DNAAF4: variants seen among roughly 807,000 people sequenced by gnomAD.
The protein encoded by DNAAF4 is dynein axonemal assembly factor 4.
DNAAF4 carries 43 observed loss-of-function variants against 51.8 expected under a neutral mutation model. That is an observed-to-expected ratio of 0.83 (90% CI 0.65 to 1.07). DNAAF4 has a LOEUF of 1.07. Ranked by LOEUF, DNAAF4 falls within the 50% of genes least tolerant of loss-of-function variation. The probability of loss-of-function intolerance (pLI) is 0.00; values close to 1 mark genes in which losing one functional copy is unlikely to be tolerated. For missense variants in DNAAF4, 581 were observed against 493.0 expected (o/e 1.18, Z -1.69); for synonymous variants, 194 against 165.6 (o/e 1.17, Z -1.32).
intron 1 of DNAAF4, among the ~76,000 whole-genome samples, chr15:55,505,510 C>T (rs1472623191): frequency 6.6e-6 from 1 of 152,130 alleles, no homozygotes; most frequent in Non-Finnish European, 1.5e-5. Context: ...AGACTTGGAA[C>T]CAACCCAAAT....
intron 9 of DNAAF4, among the ~76,000 whole-genome samples, chr15:55,432,034 CA>C (rs1285051081): frequency 6.6e-6 from 1 of 151,998 alleles, no homozygotes; most frequent in Non-Finnish European, 1.5e-5. Flanking sequence ...CGGCTCACCA[CA>C]ATCTCCGCCT....
At chr15:55,459,592 T>C (rs2058065362) in intron 5 of DNAAF4, among the ~76,000 whole-genome samples, 1 of 152,180 alleles carries the variant, frequency 6.6e-6, no homozygotes, top group Non-Finnish European at 1.5e-5. Context: ...CAAGTAAGTC[T>C]TTTAACAGAC....
rs561270079 is a variant in DNAAF4, at chr15:55,423,333, A to G, written c.1048-5200T>C. On this transcript the variant is annotated intron_variant, in intron 7 of 7. Coordinates refer to the DNAAF4 transcript ENST00000448430. ...AGCGATTTTCCAACCTCAGCCTCCC[A>G]AGTAGCTAGGACTACAGTCATGCAC... Among the ~76,000 whole-genome samples, 62 of 152,132 alleles carry G rather than the reference A, an allele frequency of 4.1e-4. No individual in the cohort carries two copies. The South Asian group carries it at 0.011, about 28-fold the overall frequency.
chr15:55,438,293 T>A (rs58851760), intron 7 of DNAAF4, among the ~76,000 whole-genome samples: 1 of 150,100 alleles, frequency 6.7e-6, no homozygotes, highest in African/African-American at 2.5e-5. Context: ...GGAGTTTGCA[T>A]TGAGCCAAGA....
At chr15:55,445,032 C>CCTTTTTT (rs1567007993) in intron 6 of DNAAF4, among the ~76,000 whole-genome samples, 1 of 109,044 alleles carries the variant, frequency 9.2e-6, no homozygotes. Flanking sequence ...ATTGAATACC[C>CCTTTTTT]TTTTTTTTTT....
chr15:55,479,056 G>A (rs922570884), intron 4 of DNAAF4, among the ~76,000 whole-genome samples: 3 of 151,548 alleles, frequency 2.0e-5, no homozygotes, highest in Non-Finnish European at 2.9e-5. Flanking sequence ...TGCAGTCTAA[G>A]TACTGTCAGG....
At chr15:55,452,475 C>A (rs1399939224) in intron 5 of DNAAF4, among the ~76,000 whole-genome samples, 1 of 151,778 alleles carries the variant, frequency 6.6e-6, no homozygotes, top group South Asian at 2.1e-4. Flanking sequence ...ATTACAGTGA[C>A]CACTAGTTAC....
At chr15:55,474,502 C>T (rs2058309328) in intron 4 of DNAAF4, among the ~76,000 whole-genome samples, 1 of 152,026 alleles carries the variant, frequency 6.6e-6, no homozygotes, top group African/African-American at 2.4e-5. Context: ...CCACTGCACT[C>T]CAGCCTGGGC....
chr15:55,436,149 C>T (rs1469714783), intron 7 of DNAAF4, among the ~76,000 whole-genome samples: 1 of 152,154 alleles, frequency 6.6e-6, no homozygotes, highest in East Asian at 1.9e-4. Flanking sequence ...CATTCAACAC[C>T]TCTACCAACA....
At chr15:55,432,719 G>A (rs1005403762) in intron 8 of DNAAF4, 117 bp from the exon 9 acceptor site, 9 of 769,922 alleles carry the variant, frequency 1.2e-5, no homozygotes, top group Non-Finnish European at 1.6e-5. Context: ...GCCGAGGTAG[G>A]TGGATCACCT....
intron 7 of DNAAF4, among the ~76,000 whole-genome samples, chr15:55,438,638 C>A (rs567999075): frequency 3.0e-4 from 45 of 151,516 alleles, no homozygotes; most frequent in Non-Finnish European, 5.6e-4. Flanking sequence ...AAAAAAAATT[C>A]GCCAGGTGTG....
In DNAAF4 at chr15:55,432,446, T is replaced by C. The variant is rs760327679; in HGVS notation, c.1153+51A>G. 14 of 1,424,532 alleles carry C rather than the reference T, an allele frequency of 9.8e-6. No individual in the cohort carries two copies. In the South Asian group the frequency reaches 1.8e-4, roughly 18 times the overall value. The allele number at this position is 1,424,532 out of a possible 1,614,324, so 88.2% of individuals were successfully genotyped here. The stretch of plus-strand genomic sequence containing the variant: ...ACGATCTTAAATAATTCCAATGACA[T>C]TTTTTTCAGAGTATAACTTGGGACT... On this transcript the variant is annotated intron_variant, in intron 9 of 9. Transcript: ENST00000321149.
At chr15:55,455,178 G>C (rs1325701591) in intron 5 of DNAAF4, among the ~76,000 whole-genome samples, 1 of 147,942 alleles carries the variant, frequency 6.8e-6, no homozygotes, top group African/African-American at 2.5e-5. Flanking sequence ...AGTTTTAGGG[G>C]AAGTTTTACT....
chr15:55,446,409 T>C (rs1191223978), intron 6 of DNAAF4, among the ~76,000 whole-genome samples: 2,486 of 42,718 alleles, frequency 0.058, no homozygotes, highest in Middle Eastern at 0.069. Flanking sequence ...CGCTCCTCAC[T>C]TCCCAGACGG....
At chr15:55,489,818 C>T (rs561271289) in intron 4 of DNAAF4, among the ~76,000 whole-genome samples, 4 of 151,176 alleles carry the variant, frequency 2.6e-5, no homozygotes, top group Admixed American at 6.6e-5. Context: ...TTAAATAATG[C>T]GTATTATAGA....
chr15:55,497,872 GTGAAAACAGAAACTAAGTTAGTTA>G lies in DNAAF4; in HGVS notation c.124-37_124-14del. The G allele has an allele frequency of 6.3e-7, 1 of 1,581,946 alleles. No individual in the cohort carries two copies. The highest frequency in any genetic ancestry group is 8.6e-7 in the Non-Finnish European group (1 of 1,165,998). On this transcript the variant is annotated splice_polypyrimidine_tract_variant and intron_variant, in intron 2 of 9. Coordinates refer to ENST00000321149, the MANE Select transcript of DNAAF4 (RefSeq NM_130810.4). ...GAGGAAAGTTGACCTATGCAGAAGG[GTGAAAACAGAAACTAAGTTAGTTA>G]CACAAATTAAGCACGCGTATTAAGA...
chr15:55,477,312 T>C (rs2058348899), intron 4 of DNAAF4, among the ~76,000 whole-genome samples: 1 of 152,164 alleles, frequency 6.6e-6, no homozygotes, highest in African/African-American at 2.4e-5. Flanking sequence ...AAAATAAACT[T>C]TTTAAAAAGA....
At chr15:55,472,246 T>A (rs1273870007) in intron 4 of DNAAF4, among the ~76,000 whole-genome samples, 1 of 152,164 alleles carries the variant, frequency 6.6e-6, no homozygotes, top group African/African-American at 2.4e-5. Context: ...AGAAAAATCA[T>A]CTAATACAGG....
intron 5 of DNAAF4, among the ~76,000 whole-genome samples, chr15:55,459,931 T>C (rs1455348703): frequency 6.6e-6 from 1 of 152,052 alleles, no homozygotes; most frequent in Non-Finnish European, 1.5e-5. Context: ...CTCAAACTCC[T>C]GACCTCGTAA....
Sources: gnomAD v4.1 joint callset for allele counts (sites outside exome capture counted in the v4.1 genomes callset) on GRCh38, gnomAD v4.1.1 for gene constraint, MANE v1.5 for transcripts, NCBI Gene and HGNC (gene_info 2026-07-23, HGNC 2026-07-21) for gene names.